The following EYS variants were observed in gnomAD, a reference collection of about 807,000 sequenced individuals.
EYS encodes protein eyes shut homolog.
EYS carries 250 observed loss-of-function variants against 282.1 expected under a neutral mutation model. The ratio of observed to expected loss-of-function variants is 0.89; its 90% confidence interval spans 0.80 to 0.98. The LOEUF is 0.98. Ranked by LOEUF, EYS falls within the 50% of genes least tolerant of loss-of-function variation. The pLI, the probability that EYS is intolerant of heterozygous loss-of-function variation, is 0.00. For synonymous variants in EYS, 1,355 were observed against 1,282.9 expected (o/e 1.06, Z -1.20); for missense variants, 4,016 against 3,709.0 (o/e 1.08, Z -2.15).
Position 64,580,648 on chromosome 6 carries a change from ACT to A in EYS, c.5644+9573_5644+9574del, listed in dbSNP as rs1291455056. Among the ~76,000 whole-genome samples the A allele has an allele frequency of 2.6e-5, 4 of 152,138 alleles. No homozygotes were observed. The East Asian group carries it at 7.7e-4, about 29-fold the overall frequency. On this transcript the variant is annotated intron_variant, in intron 26 of 42. Transcript: ENST00000503581. ...AAACCTTTTCTCATAAAAAAGAATAACTCTTGTAAATTTTAAAATAGAGGAAA... is the reference window on the plus strand; with the variant it reads ...AAACCTTTTCTCATAAAAAAGAATAACTTGTAAATTTTAAAATAGAGGAAA...
intron 12 of EYS, among the ~76,000 whole-genome samples, chr6:65,198,876 GA>G (rs1765832860): frequency 1.3e-5 from 2 of 152,062 alleles, no homozygotes; most frequent in African/African-American, 4.8e-5. Flanking sequence ...CTATTTTATG[GA>G]TTTGATTGGG....
intron 31 of EYS, among the ~76,000 whole-genome samples, chr6:64,137,680 A>G (rs1774207341): frequency 6.6e-6 from 1 of 152,152 alleles, no homozygotes; most frequent in South Asian, 2.1e-4. Flanking sequence ...GAACACTCAC[A>G]ATATGTATCC....
At chr6:64,312,635 G>C (rs1769764751) in intron 29 of EYS, among the ~76,000 whole-genome samples, 1 of 152,148 alleles carries the variant, frequency 6.6e-6, no homozygotes, top group Non-Finnish European at 1.5e-5. Flanking sequence ...GGCGAGCTCT[G>C]GCTGGCATCT....
At chr6:64,650,023 A>G (rs868302178) in intron 22 of EYS, among the ~76,000 whole-genome samples, 1 of 152,144 alleles carries the variant, frequency 6.6e-6, no homozygotes, top group South Asian at 2.1e-4. Flanking sequence ...CAAATTTAAT[A>G]TAATTTGATA....
chr6:63,962,603 G>C (rs1210503090), intron 35 of EYS, among the ~76,000 whole-genome samples: 1 of 152,106 alleles, frequency 6.6e-6, no homozygotes, highest in African/African-American at 2.4e-5. Context: ...TAAAAAGTCA[G>C]GAAACAACAG....
intron 22 of EYS, among the ~76,000 whole-genome samples, chr6:64,746,644 T>A (rs767285314): frequency 2.6e-5 from 4 of 152,196 alleles, no homozygotes; most frequent in Non-Finnish European, 5.9e-5. Flanking sequence ...TCCATCATGT[T>A]GTTTCATGTT....
intron 41 of EYS, among the ~76,000 whole-genome samples, chr6:63,761,796 C>A (rs921130586): frequency 1.3e-5 from 2 of 151,906 alleles, no homozygotes; most frequent in East Asian, 1.9e-4. Flanking sequence ...CCTTTATTTT[C>A]CTGGCTTAAT....
chr6:64,864,385 C>CTTTTTTGTTTTTTTTTTTTTTTTT (rs1766349340), intron 19 of EYS, among the ~76,000 whole-genome samples: 1 of 57,166 alleles, frequency 1.7e-5, no homozygotes. Flanking sequence ...GCTATACCTT[C>CTTTTTTGTTTTTTTTTTTTTTTTT]TTTTTTTTTT....
intron 1 of EYS, among the ~76,000 whole-genome samples, chr6:65,659,852 T>A (rs1767945415): frequency 6.6e-6 from 1 of 151,734 alleles, no homozygotes; most frequent in African/African-American, 2.4e-5. Context: ...AGGTGGTTAA[T>A]AAAATAATTC....
intron 14 of EYS, among the ~76,000 whole-genome samples, chr6:64,958,891 C>T (rs1217437159): frequency 6.6e-6 from 1 of 151,964 alleles, no homozygotes; most frequent in African/African-American, 2.4e-5. Context: ...CAGTTAGACA[C>T]ACAATCATTG....
At position 65,332,345 on chromosome 6, in the gene EYS, C is replaced by T. The variant is rs1437998229; in HGVS notation, c.1766+2635G>A. 10 of 778,376 alleles carry T rather than the reference C, an allele frequency of 1.3e-5. No individual in the cohort carries two copies. The East Asian group carries it at 2.4e-4, about 19-fold the overall frequency. The allele number at this position is 778,376 out of a possible 1,614,324, so 48.2% of individuals were successfully genotyped here. On this transcript the variant is annotated intron_variant, in intron 11 of 42. Transcript: ENST00000503581. ...AAACTTATATTCTTACGATAAATCC[C>T]ACCTGGTCATGCTGTATAAACCTTT...
intron 22 of EYS, among the ~76,000 whole-genome samples, chr6:64,683,486 T>C (rs1254565431): frequency 1.3e-5 from 2 of 152,198 alleles, no homozygotes; most frequent in Non-Finnish European, 2.9e-5. Context: ...TTGCTTAATA[T>C]TGGATTAGAG....
intron 12 of EYS, among the ~76,000 whole-genome samples, chr6:65,282,586 T>C (rs1395510605): frequency 1.3e-5 from 2 of 152,006 alleles, no homozygotes; most frequent in African/African-American, 4.8e-5. Context: ...CAGAAAACTT[T>C]AACTTGGAAA....
chr6:64,967,155 C>CTT (rs150929117), intron 14 of EYS, among the ~76,000 whole-genome samples: 10,272 of 152,194 alleles, frequency 0.067, 437 homozygotes, highest in East Asian at 0.13. Context: ...CTGCCTGTCT[C>CTT]TAACCATACT....
At chr6:64,063,755 T>C (rs1392056898) in intron 33 of EYS, among the ~76,000 whole-genome samples, 1 of 152,126 alleles carries the variant, frequency 6.6e-6, no homozygotes, top group Non-Finnish European at 1.5e-5. Context: ...ATTGATTGAG[T>C]CTTGCTCTGA....
At chr6:64,763,074 T>C (rs2149979951) in intron 22 of EYS, among the ~76,000 whole-genome samples, 1 of 152,198 alleles carries the variant, frequency 6.6e-6, no homozygotes, top group East Asian at 1.9e-4. Context: ...ATGGTCATTC[T>C]TTAACAAACC....
chr6:65,526,090 G>A (rs1438454606), intron 2 of EYS, among the ~76,000 whole-genome samples: 1 of 152,164 alleles, frequency 6.6e-6, no homozygotes, highest in African/African-American at 2.4e-5. Context: ...CTAACTTAGT[G>A]AAGGGTATCA....
intron 19 of EYS, among the ~76,000 whole-genome samples, chr6:64,827,525 A>G (rs1765094889): frequency 6.6e-6 from 1 of 151,900 alleles, no homozygotes; most frequent in African/African-American, 2.4e-5. Flanking sequence ...ACACATCTAA[A>G]TTGTGATAAC....
intron 31 of EYS, among the ~76,000 whole-genome samples, chr6:64,157,847 A>G (rs546524758): frequency 1.7e-4 from 26 of 152,356 alleles, no homozygotes; most frequent in African/African-American, 5.5e-4. Flanking sequence ...GGCAGTGCAG[A>G]AGGGAAATGT....
Sources: gnomAD v4.1 joint callset for allele counts (sites outside exome capture counted in the v4.1 genomes callset) on GRCh38, gnomAD v4.1.1 for gene constraint, MANE v1.5 for transcripts, NCBI Gene and HGNC (gene_info 2026-07-23, HGNC 2026-07-21) for gene names.